Variants in MAMDC2 observed in about 807,000 individuals in gnomAD.
MAMDC2 encodes MAM domain containing 2, also known as MAM domain-containing protein 2.
Under a neutral mutation model 89.8 loss-of-function variants are expected in MAMDC2, and 57 were observed. That is an observed-to-expected ratio of 0.63 (90% CI 0.51 to 0.79). MAMDC2 has a LOEUF of 0.79. Ranked by LOEUF, MAMDC2 falls within the 30% of genes least tolerant of loss-of-function variation. The pLI, the probability that MAMDC2 is intolerant of heterozygous loss-of-function variation, is 0.00. For synonymous variants in MAMDC2, 313 were observed against 293.4 expected (o/e 1.07, Z -0.68); for missense variants, 800 against 820.6 (o/e 0.97, Z 0.31).
In MAMDC2 at chr9:70,188,380, T is replaced by TGTATGTATTACA. The variant is rs1563992330; in HGVS notation, c.1651+17749_1651+17750insGTATGTATTACA. ...ATTTGTTTTCTGTATGTATTACATC[T>TGTATGTATTACA]TCTTTTTGTTCCTTTATTCTATTAC... On this transcript the variant is annotated intron_variant, in intron 11 of 13. Coordinates refer to ENST00000377182, the MANE Select transcript of MAMDC2 (RefSeq NM_153267.5). Among the ~76,000 whole-genome samples the TGTATGTATTACA allele has an allele frequency of 5.7e-3, 861 of 152,284 alleles. 9 individuals are homozygous for TGTATGTATTACA. Among genetic ancestry groups the TGTATGTATTACA allele is most frequent in the African/African-American group, 0.02 (832 of 41,562 alleles).
At chr9:70,101,358 G>T (rs984658258) in intron 2 of MAMDC2, among the ~76,000 whole-genome samples, 1 of 151,840 alleles carries the variant, frequency 6.6e-6, no homozygotes, top group Non-Finnish European at 1.5e-5. Context: ...ATTGAAAAAA[G>T]AAAAATATTT....
At chr9:70,090,408 C>A (rs1350966250) in intron 2 of MAMDC2, among the ~76,000 whole-genome samples, 8 of 149,188 alleles carry the variant, frequency 5.4e-5, no homozygotes, top group African/African-American at 2.0e-4. Flanking sequence ...TGCTTGAACC[C>A]AGGAGTTCAG....
intron 11 of MAMDC2, among the ~76,000 whole-genome samples, chr9:70,211,221 T>A (rs1465324912): frequency 6.6e-6 from 1 of 152,212 alleles, no homozygotes; most frequent in African/African-American, 2.4e-5. Flanking sequence ...GAAGACTGTT[T>A]TCCAACTTGG....
intron 2 of MAMDC2, among the ~76,000 whole-genome samples, chr9:70,050,892 C>G (rs997428474): frequency 6.6e-6 from 1 of 152,202 alleles, no homozygotes; most frequent in Non-Finnish European, 1.5e-5. Context: ...AGTAATAACA[C>G]TGAGTTTCAT....
chr9:70,043,966 CTCAGCGCCGGGGCGCTG>C lies in MAMDC2; in HGVS notation c.-231_-215del. The C allele has an allele frequency of 1.7e-6, 1 of 602,672 alleles. No individual in the cohort carries two copies. Among genetic ancestry groups the C allele is most frequent in the South Asian group, 2.0e-5 (1 of 50,414 alleles). The allele number at this position is 602,672 out of a possible 1,614,324, so 37.3% of individuals were successfully genotyped here. On this transcript the variant is annotated 5_prime_UTR_variant, in exon 1 of 14. Coordinates refer to ENST00000377182, the MANE Select transcript of MAMDC2 (RefSeq NM_153267.5). ...GCCGCGGTCTGACCTGAGGCTGCTG[CTCAGCGCCGGGGCGCTG>C]GCGCTCTCCATTCGAGCACCTTCCA... is the stretch of plus-strand genomic sequence containing the variant.
chr9:70,158,323 TATG>T (rs928029286), intron 9 of MAMDC2, among the ~76,000 whole-genome samples: 16 of 151,990 alleles, frequency 1.1e-4, no homozygotes, highest in Admixed American at 4.6e-4. Flanking sequence ...TACCCTGGAG[TATG>T]ATGTTTGTAT....
At chr9:70,183,351 A>G (rs914358281) in intron 11 of MAMDC2, among the ~76,000 whole-genome samples, 12 of 152,178 alleles carry the variant, frequency 7.9e-5, no homozygotes, top group African/African-American at 2.7e-4. Context: ...AGTTCTGTAG[A>G]TATCTATTAG....
chr9:70,118,297 AACACACACACACACAC>A (rs6151026), intron 5 of MAMDC2, among the ~76,000 whole-genome samples: 17 of 140,484 alleles, frequency 1.2e-4, no homozygotes, highest in South Asian at 4.6e-4. Context: ...ATCCCCACTC[AACACACACACACACAC>A]ACACACACAC....
In MAMDC2 at chr9:70,044,676, C is replaced by A; in HGVS notation, c.127C>A (p.Pro43Thr). ...CGFDSVLASL[P>T]WILNEEGHYI... is the part of the protein sequence containing the mutation. ...CTTTGACTCCGTGTTGGCCTCTCTG[C>A]CGTGGATTTTAAATGAGGAAGGTAA... Residue 43 changes from proline to threonine, a missense_variant, in exon 2 of 14, where the codon CCG becomes ACG. By Grantham distance (38) the Pro-to-Thr change is conservative. Transcript: ENST00000377182. The A allele has an allele frequency of 1.3e-6, 2 of 1,551,610 alleles. No individual in the cohort carries two copies. Among genetic ancestry groups the A allele is most frequent in the South Asian group, 1.2e-5 (1 of 84,060 alleles).
At chr9:70,190,319 T>G (rs1418738900) in intron 11 of MAMDC2, among the ~76,000 whole-genome samples, 1 of 152,220 alleles carries the variant, frequency 6.6e-6, no homozygotes. Flanking sequence ...TTCTGTAGTC[T>G]ATATTCTTTG....
In MAMDC2 at chr9:70,044,581, CA is replaced by C; in HGVS notation, c.35-2del. 1 of 1,548,876 alleles carries C rather than the reference CA, an allele frequency of 6.5e-7. No homozygotes were observed. The highest frequency in any genetic ancestry group is 2.4e-5 in the East Asian group (1 of 40,894). ...CGAACTGAAACTCGCTTTGTGCCCG[CA>C]GCCCTGCAGCTCGCCGGTGCCCTCG... is the stretch of plus-strand genomic sequence containing the variant. On this transcript the variant is annotated splice_acceptor_variant, in intron 1 of 13. Transcript: ENST00000377182. LOFTEE classifies it high-confidence loss of function.
chr9:70,225,293 G>A (rs2033624514), intron 12 of MAMDC2, among the ~76,000 whole-genome samples: 1 of 151,964 alleles, frequency 6.6e-6, no homozygotes, highest in Admixed American at 6.6e-5. Context: ...TTCACACATG[G>A]GTATCATCGG....
In MAMDC2 at chr9:70,109,700, C is replaced by T. The variant is rs776718506; in HGVS notation, c.421-20C>T. 6.3e-6 allele frequency: 10 copies of T among 1,587,916 alleles called. No homozygotes were observed. Among genetic ancestry groups the T allele is most frequent in the Non-Finnish European group, 8.6e-6 (10 of 1,156,940 alleles). On this transcript the variant is annotated intron_variant, in intron 3 of 13. Transcript: ENST00000377182. ...GATGTTTTGAAGTCTAACTCCCCTT[C>T]TTCCCCATATGTTGTGCAGATTTTA... is the stretch of plus-strand genomic sequence containing the variant.
rs1174165233 is a variant in MAMDC2 at position 70,126,363 on chromosome 9, A to G, written c.848A>G (p.Asn283Ser). The change falls in exon 6 of 14, where the codon AAT (asparagine) becomes AGT (serine). Residue 283 changes from asparagine (N) to serine (S), a missense_variant. By Grantham distance (46) the Asn-to-Ser change is conservative (BLOSUM62 1). Transcript: ENST00000377182. Reference sequence around the variant, plus strand: ...ATCTGGAAAGCAGACAGGCCAGGGAATGCTGCCTGGAACCTTGCGGAGGTC... The same window carrying G: ...ATCTGGAAAGCAGACAGGCCAGGGAGTGCTGCCTGGAACCTTGCGGAGGTC... ...EEIWKADRPGNAAWNLAEVEF... is the reference protein window; with the variant it reads ...EEIWKADRPGSAAWNLAEVEF... The G allele has an allele frequency of 1.9e-6, 3 of 1,614,038 alleles. No homozygotes were observed. Among genetic ancestry groups the G allele is most frequent in the Middle Eastern group, 1.7e-4 (1 of 6,040 alleles).
chr9:70,109,888 A>G, intron 4 of MAMDC2, 84 bp downstream of exon 4: 1 of 1,082,576 alleles, frequency 9.2e-7, no homozygotes, highest in Non-Finnish European at 1.4e-6. Flanking sequence ...AATCAATCCT[A>G]AAGACCAACT....
intron 2 of MAMDC2, among the ~76,000 whole-genome samples, chr9:70,064,223 G>C (rs1360133258): frequency 2.0e-5 from 3 of 151,972 alleles, no homozygotes; most frequent in Non-Finnish European, 4.4e-5. Flanking sequence ...GGTTACATGA[G>C]TAGGTTCTTT....
intron 9 of MAMDC2, among the ~76,000 whole-genome samples, chr9:70,155,661 T>C (rs2031735298): frequency 6.6e-6 from 1 of 152,202 alleles, no homozygotes; most frequent in Non-Finnish European, 1.5e-5. Context: ...TCCTTCAGCC[T>C]CCAAACTTCT....
chr9:70,107,236 G>T (rs1270177870), intron 2 of MAMDC2, among the ~76,000 whole-genome samples: 2 of 152,138 alleles, frequency 1.3e-5, no homozygotes, highest in Non-Finnish European at 2.9e-5. Context: ...TCGAGTTAAG[G>T]TTCTTGGCTT....
intron 9 of MAMDC2, among the ~76,000 whole-genome samples, chr9:70,159,966 C>G (rs1280694878): frequency 4.6e-5 from 7 of 151,594 alleles, no homozygotes; most frequent in Non-Finnish European, 8.8e-5. Flanking sequence ...AATCCCAGCA[C>G]TTTGGGAGGG....
Sources: gnomAD v4.1 joint callset for allele counts (sites outside exome capture counted in the v4.1 genomes callset) on GRCh38, gnomAD v4.1.1 for gene constraint, MANE v1.5 for transcripts, NCBI Gene and HGNC (gene_info 2026-07-23, HGNC 2026-07-21) for gene names.